The following PHYHIPL variants were observed in gnomAD, a reference collection of about 807,000 sequenced individuals.
PHYHIPL encodes the protein phytanoyl-CoA 2-hydroxylase interacting protein like, also known as phytanoyl-CoA hydroxylase-interacting protein-like.
Under a neutral mutation model 33.4 loss-of-function variants are expected in PHYHIPL, and 9 were observed. The observed-to-expected ratio is 0.27, with a 90% CI of 0.16 to 0.47. The LOEUF is 0.47. Among genes scored for constraint, PHYHIPL ranks in the 20% least tolerant of loss-of-function variants. The pLI, the probability that PHYHIPL is intolerant of heterozygous loss-of-function variation, is 0.99. For missense variants in PHYHIPL, 365 were observed against 460.7 expected, an observed-to-expected ratio of 0.79 and a Z score of 1.90; for synonymous variants, 153 against 154.1, an observed-to-expected ratio of 0.99 and a Z score of 0.05.
intron 1 of PHYHIPL, among the ~76,000 whole-genome samples, chr10:59,200,972 C>G (rs2921273): frequency 6.6e-6 from 1 of 151,836 alleles, no homozygotes; most frequent in Non-Finnish European, 1.5e-5. Context: ...GTCTTGCTAG[C>G]GGTCTATCCA....
Position 59,176,867 on chromosome 10 carries a change from G to C in PHYHIPL, c.14G>C (p.Arg5Pro). ...TGGGTTGGAAAAATGGAGGTGCCGCGCCTGGATCATGCCCTCAACAGCCCC... is the reference window on the plus strand; with the variant it reads ...TGGGTTGGAAAAATGGAGGTGCCGCCCCTGGATCATGCCCTCAACAGCCCC... The part of the protein sequence containing the change: MEVP[R>P]LDHALNSPTS... Residue 5 changes from arginine to proline, a missense_variant, in exon 1 of 5, where the codon CGC becomes CCC. Arg to Pro is a moderately radical substitution (Grantham distance 103). This residue lies in a region of PHYHIPL where 89 missense variants were observed against 78.3 expected (regional missense o/e 1.14). Coordinates refer to ENST00000373880, the MANE Select transcript of PHYHIPL (RefSeq NM_032439.4). 6.2e-7 allele frequency: 1 copy of C among 1,612,764 alleles called. No individual in the cohort carries two copies. Among genetic ancestry groups the C allele is most frequent in the Non-Finnish European group, 8.5e-7 (1 of 1,179,456 alleles).
chr10:59,204,863 G>GTTT (rs1230018175), intron 1 of PHYHIPL, among the ~76,000 whole-genome samples: 17 of 129,858 alleles, frequency 1.3e-4, no homozygotes, highest in East Asian at 2.2e-4. Context: ...GTCTCATAAA[G>GTTT]TTTTTTTTTT....
intron 1 of PHYHIPL, among the ~76,000 whole-genome samples, chr10:59,180,269 C>G (rs1003817627): frequency 2.8e-5 from 4 of 143,372 alleles, no homozygotes; most frequent in Non-Finnish European, 6.1e-5. Context: ...CACACACACA[C>G]ACACACACAT....
chr10:59,186,523 G>A (rs1838609572), intron 1 of PHYHIPL, among the ~76,000 whole-genome samples: 1 of 152,112 alleles, frequency 6.6e-6, no homozygotes. Flanking sequence ...GTAGCTTGAT[G>A]GGGATGGCAT....
In PHYHIPL at chr10:59,202,496, C is replaced by T. The variant is rs78137371; in HGVS notation, c.106+25537C>T. ...AATTATTGTTCAGATAATTAAACCT[C>T]AAATAACTTTTGCTGAATGACTTGG... is the stretch of plus-strand genomic sequence containing the variant. On this transcript the variant is annotated intron_variant, in intron 1 of 4. Coordinates refer to ENST00000373880, the MANE Select transcript of PHYHIPL (RefSeq NM_032439.4). Among the ~76,000 whole-genome samples the T allele has an allele frequency of 9.8e-3, 1,491 of 152,198 alleles. 29 individuals are homozygous for T. The highest frequency in any genetic ancestry group is 0.034 in the African/African-American group (1,430 of 41,528).
chr10:59,179,842 T>TACACACAC lies in PHYHIPL; in HGVS notation c.106+2920_106+2927dup, dbSNP rs147836305. ...TGGCTTTTCAATTAAGCAAGACAGT[T>TACACACAC]ACACACACACACACACACACACACA... On this transcript the variant is annotated intron_variant, in intron 1 of 4. Transcript: ENST00000373880. 5.6e-3 allele frequency among the ~76,000 whole-genome samples: 754 copies of TACACACAC among 134,866 alleles called. 8 individuals are homozygous for TACACACAC. Among genetic ancestry groups the TACACACAC allele is most frequent in the African/African-American group, 0.018 (649 of 35,824 alleles). 88.5% of individuals were successfully genotyped at this position (134,866 alleles called of 152,430 possible).
At chr10:59,211,363 C>A (rs1839434584) in intron 1 of PHYHIPL, among the ~76,000 whole-genome samples, 1 of 152,022 alleles carries the variant, frequency 6.6e-6, no homozygotes, top group Admixed American at 6.6e-5. Context: ...AGTGACAGAA[C>A]AAGGGTCTTT....
Position 59,198,092 on chromosome 10 carries a change from C to T in PHYHIPL, c.106+21133C>T, listed in dbSNP as rs576965742. ...ATTATACTTTAAGTTCTAGGGTACA[C>T]GTGCACAACGTGCTGGTTTCTTACA... On this transcript the variant is annotated intron_variant, in intron 1 of 4. Coordinates refer to ENST00000373880, the MANE Select transcript of PHYHIPL (RefSeq NM_032439.4). 4.7e-4 allele frequency among the ~76,000 whole-genome samples: 71 copies of T among 151,958 alleles called. 1 individual carries two copies. Among genetic ancestry groups the T allele is most frequent in the Non-Finnish European group, 8.0e-4 (54 of 67,920 alleles).
chr10:59,200,473 G>T (rs1343727897), intron 1 of PHYHIPL, among the ~76,000 whole-genome samples: 1 of 152,040 alleles, frequency 6.6e-6, no homozygotes, highest in Non-Finnish European at 1.5e-5. Flanking sequence ...ATTTTATTTT[G>T]GATTTTTGCA....
At chr10:59,204,026 T>A (rs1255163893) in intron 1 of PHYHIPL, among the ~76,000 whole-genome samples, 1 of 152,168 alleles carries the variant, frequency 6.6e-6, no homozygotes, top group African/African-American at 2.4e-5. Flanking sequence ...GGATTACATG[T>A]TGTTACGGGA....
intron 1 of PHYHIPL, among the ~76,000 whole-genome samples, chr10:59,226,067 C>G (rs1477307835): frequency 6.6e-6 from 1 of 151,326 alleles, no homozygotes; most frequent in East Asian, 1.9e-4. Flanking sequence ...CAATAAAATT[C>G]AAGATTGGGT....
chr10:59,220,341 G>C (rs1306698032), intron 1 of PHYHIPL, among the ~76,000 whole-genome samples: 1 of 152,048 alleles, frequency 6.6e-6, no homozygotes, highest in Non-Finnish European at 1.5e-5. Context: ...ACACAGGTAA[G>C]CCTGTGTTAC....
chr10:59,182,317 CT>C (rs1015128470), intron 1 of PHYHIPL, among the ~76,000 whole-genome samples: 24 of 152,216 alleles, frequency 1.6e-4, no homozygotes, highest in African/African-American at 5.3e-4. Flanking sequence ...CCTATACCTC[CT>C]TTTTAAACTT....
chr10:59,222,956 G>A (rs899195608), intron 1 of PHYHIPL, among the ~76,000 whole-genome samples: 2 of 152,118 alleles, frequency 1.3e-5, no homozygotes, highest in African/African-American at 2.4e-5. Flanking sequence ...GAGGAAACAG[G>A]CTTACAGGAT....
intron 1 of PHYHIPL, among the ~76,000 whole-genome samples, chr10:59,196,148 T>G (rs1260304106): frequency 6.6e-6 from 1 of 152,116 alleles, no homozygotes; most frequent in African/African-American, 2.4e-5. Flanking sequence ...TAAAACAAAG[T>G]ATCTAAATAA....
intron 4 of PHYHIPL, among the ~76,000 whole-genome samples, chr10:59,242,073 C>A (rs1475427178): frequency 6.6e-6 from 1 of 152,200 alleles, no homozygotes; most frequent in African/African-American, 2.4e-5. Flanking sequence ...ACCTAGACCT[C>A]TATCCTCTCA....
chr10:59,180,038 G>A (rs1838359721), intron 1 of PHYHIPL, among the ~76,000 whole-genome samples: 1 of 151,590 alleles, frequency 6.6e-6, no homozygotes, highest in South Asian at 2.1e-4. Context: ...TCTCTGCTGT[G>A]CTGAAGTATA....
At chr10:59,194,224 G>A (rs1838852491) in intron 1 of PHYHIPL, among the ~76,000 whole-genome samples, 1 of 151,598 alleles carries the variant, frequency 6.6e-6, no homozygotes, top group Admixed American at 6.6e-5. Context: ...TGGGATTACA[G>A]GTGTGCACCA....
chr10:59,202,740 A>T (rs1839156996), intron 1 of PHYHIPL, among the ~76,000 whole-genome samples: 1 of 152,186 alleles, frequency 6.6e-6, no homozygotes, highest in Non-Finnish European at 1.5e-5. Flanking sequence ...AGGTTAAATT[A>T]CCTGTCTAAT....
Sources: gnomAD v4.1 joint callset for allele counts (sites outside exome capture counted in the v4.1 genomes callset) on GRCh38, gnomAD v4.1.1 for gene constraint, gnomAD v4.1.1 regional missense constraint, MANE v1.5 for transcripts, NCBI Gene and HGNC (gene_info 2026-07-23, HGNC 2026-07-21) for gene names.